Variants in ARMH3 observed in about 807,000 individuals in gnomAD.
ARMH3 encodes armadillo-like helical domain-containing protein 3.
Under a neutral mutation model 99.1 loss-of-function variants are expected in ARMH3, and 60 were observed. That is an observed-to-expected ratio of 0.61 (90% CI 0.49 to 0.75). The LOEUF (loss-of-function observed/expected upper bound fraction) is 0.75, where lower values mean the gene tolerates loss of function less well. Ranked by LOEUF, ARMH3 falls within the 30% of genes least tolerant of loss-of-function variation. The probability of loss-of-function intolerance (pLI) is 0.00; values close to 1 mark genes in which losing one functional copy is unlikely to be tolerated. For missense variants in ARMH3, 679 were observed against 843.1 expected (o/e 0.81, Z 2.41); for synonymous variants, 285 against 292.8 (o/e 0.97, Z 0.27).
chr10:101,982,228 A>C (rs1036855818), intron 19 of ARMH3, among the ~76,000 whole-genome samples: 1 of 151,342 alleles, frequency 6.6e-6, no homozygotes, highest in Non-Finnish European at 1.5e-5. Context: ...CAAAAAAAAA[A>C]CACAAAAATT....
At chr10:101,872,907 G>A (rs1466188753) in intron 24 of ARMH3, among the ~76,000 whole-genome samples, 4 of 151,286 alleles carry the variant, frequency 2.6e-5, no homozygotes, top group Non-Finnish European at 4.4e-5. Flanking sequence ...GCAGCGAGCC[G>A]AGATCACGCC....
intron 24 of ARMH3, among the ~76,000 whole-genome samples, chr10:101,888,179 A>T (rs1210419266): frequency 6.6e-6 from 1 of 152,018 alleles, no homozygotes; most frequent in Non-Finnish European, 1.5e-5. Context: ...TTGCATAAAA[A>T]TGATATAGTA....
intron 23 of ARMH3, among the ~76,000 whole-genome samples, chr10:101,925,380 G>A (rs897035577): frequency 6.6e-6 from 1 of 152,144 alleles, no homozygotes; most frequent in East Asian, 1.9e-4. Flanking sequence ...AAATTAAGAA[G>A]TAAGAATATG....
At chr10:101,988,922 C>CAAAA (rs35605193) in intron 19 of ARMH3, among the ~76,000 whole-genome samples, 26 of 56,500 alleles carry the variant, frequency 4.6e-4, no homozygotes, top group East Asian at 6.3e-4. Flanking sequence ...GACTCTGTCT[C>CAAAA]AAAAAAAAAA....
In ARMH3 at chr10:101,889,459, C is replaced by T; in HGVS notation, c.1813G>A (p.Glu605Lys). 6.2e-7 allele frequency: 1 copy of T among 1,613,960 alleles called. No homozygotes were observed. The highest frequency in any genetic ancestry group is 2.2e-5 in the East Asian group (1 of 44,886). The change falls in exon 24 of 26, where the codon GAG becomes AAG. Residue 605 changes from glutamate (E) to lysine (K), a missense_variant. Around this residue, in one of 3 missense-constraint regions of ARMH3, gnomAD observed 389 missense variants for 456.5 expected, o/e 0.85. Coordinates refer to ENST00000370033, the MANE Select transcript of ARMH3 (RefSeq NM_024541.3). ...ATGTGATTCACAGCAGCGTAGGACT[C>T]AATTTTGGGGTTAAAGTGGTTGATG... ...AIINHFNPKI[E>K]SYAAVNHISQ...
chr10:101,960,868 C>T (rs577130372), intron 20 of ARMH3, among the ~76,000 whole-genome samples: 69 of 136,748 alleles, frequency 5.0e-4, no homozygotes, highest in African/African-American at 1.8e-3. Flanking sequence ...CTAGCCTGGG[C>T]GACAGAGCAA....
intron 20 of ARMH3, among the ~76,000 whole-genome samples, chr10:101,974,823 C>T (rs889718264): frequency 6.6e-6 from 1 of 152,076 alleles, no homozygotes; most frequent in African/African-American, 2.4e-5. Flanking sequence ...ACACAGAAGC[C>T]TCCCTACAGT....
In ARMH3 at chr10:101,902,904, G is replaced by A. The variant is rs115931237; in HGVS notation, c.1782-13414C>T. Among the ~76,000 whole-genome samples the A allele has an allele frequency of 4.6e-3, 707 of 152,174 alleles. 6 individuals are homozygous for A. The highest frequency in any genetic ancestry group is 0.015 in the African/African-American group (628 of 41,508). On this transcript the variant is annotated intron_variant, in intron 23 of 25. Transcript: ENST00000370033. ...AGATGAAGGTCTTTAGGGGAGAGTCGATGAGATTCCAGAGTAAGAAAATGA... is the reference window on the plus strand; with the variant it reads ...AGATGAAGGTCTTTAGGGGAGAGTCAATGAGATTCCAGAGTAAGAAAATGA...
At chr10:101,910,938 G>C (rs577819825) in intron 23 of ARMH3, among the ~76,000 whole-genome samples, 2 of 152,004 alleles carry the variant, frequency 1.3e-5, no homozygotes, top group South Asian at 4.2e-4. Flanking sequence ...TCAGGAGTTC[G>C]AGATGAGCCT....
At chr10:101,860,006 A>G (rs1214111449) in intron 24 of ARMH3, among the ~76,000 whole-genome samples, 1 of 152,200 alleles carries the variant, frequency 6.6e-6, no homozygotes, top group African/African-American at 2.4e-5. Context: ...GTTGAGAGAT[A>G]TGAAGGTTGA....
chr10:101,862,564 G>A (rs959844909), intron 24 of ARMH3, among the ~76,000 whole-genome samples: 6 of 152,056 alleles, frequency 3.9e-5, no homozygotes, highest in African/African-American at 1.4e-4. Flanking sequence ...GCAACAGAGT[G>A]ACACTCCATC....
intron 5 of ARMH3, among the ~76,000 whole-genome samples, chr10:102,028,097 T>C (rs867284264): frequency 2.0e-5 from 3 of 151,318 alleles, no homozygotes; most frequent in Admixed American, 6.6e-5. Flanking sequence ...ACTGTTGACA[T>C]AATGTGCAGA....
intron 24 of ARMH3, among the ~76,000 whole-genome samples, chr10:101,880,538 C>T (rs1471525273): frequency 6.6e-6 from 1 of 152,082 alleles, no homozygotes; most frequent in Non-Finnish European, 1.5e-5. Flanking sequence ...TGAGAGCTGA[C>T]TGTTAAATTT....
chr10:101,978,051 G>A (rs1047624909), intron 19 of ARMH3, among the ~76,000 whole-genome samples: 2 of 152,056 alleles, frequency 1.3e-5, no homozygotes, highest in African/African-American at 4.8e-5. Context: ...CCCAAAAAAG[G>A]GGAACAGGGA....
At chr10:102,044,311 G>C (rs1041321804) in intron 1 of ARMH3, among the ~76,000 whole-genome samples, 16 of 151,206 alleles carry the variant, frequency 1.1e-4, no homozygotes, top group Non-Finnish European at 1.9e-4. Flanking sequence ...TCCTGACCTC[G>C]TGATCCACCC....
At chr10:101,923,333 C>A (rs2135613146) in intron 23 of ARMH3, among the ~76,000 whole-genome samples, 1 of 152,272 alleles carries the variant, frequency 6.6e-6, no homozygotes, top group African/African-American at 2.4e-5. Context: ...AGACACAATT[C>A]ATTTAACAAT....
chr10:101,980,990 A>C (rs1388309876), intron 19 of ARMH3, among the ~76,000 whole-genome samples: 1 of 151,778 alleles, frequency 6.6e-6, no homozygotes, highest in African/African-American at 2.4e-5. Flanking sequence ...GCTCTCACTC[A>C]TAAGTGGGAG....
intron 22 of ARMH3, among the ~76,000 whole-genome samples, chr10:101,943,227 A>G (rs1844322122): frequency 6.6e-6 from 1 of 152,228 alleles, no homozygotes; most frequent in Non-Finnish European, 1.5e-5. Flanking sequence ...GATCCCTTAC[A>G]TCTCTTGCAG....
chr10:102,037,896 T>C (rs945830106), intron 2 of ARMH3, among the ~76,000 whole-genome samples: 2 of 152,008 alleles, frequency 1.3e-5, no homozygotes, highest in African/African-American at 4.8e-5. Flanking sequence ...AGCCACTTAA[T>C]GGATTCTATC....
Sources: allele counts gnomAD v4.1 joint callset (sites outside exome capture counted in the v4.1 genomes callset), GRCh38; gene constraint gnomAD v4.1.1; regional missense constraint gnomAD v4.1.1; transcripts MANE v1.5; gene names NCBI Gene and HGNC (gene_info 2026-07-23, HGNC 2026-07-21).